Variants in PDE4D observed in about 807,000 individuals in gnomAD.
PDE4D encodes 3',5'-cyclic-AMP phosphodiesterase 4D.
A neutral mutation model predicts 87.4 loss-of-function variants in PDE4D; 24 were observed. The observed-to-expected ratio is 0.27, with a 90% CI of 0.20 to 0.39. The LOEUF (loss-of-function observed/expected upper bound fraction) is 0.39. PDE4D is among the 10% of genes least tolerant of loss of function. The pLI, the probability that PDE4D is intolerant of heterozygous loss-of-function variation, is 1.00. For missense variants in PDE4D, 714 were observed against 1,041.0 expected, an observed-to-expected ratio of 0.69 and a Z score of 4.32; for synonymous variants, 384 against 383.2, an observed-to-expected ratio of 1.00 and a Z score of -0.02.
chr5:58,981,286 G>A (rs576729246), intron 11 of PDE4D, among the ~76,000 whole-genome samples: 5 of 152,016 alleles, frequency 3.3e-5, no homozygotes, highest in African/African-American at 1.2e-4. Context: ...TCTCCATAAG[G>A]CCATAATTCT....
intron 1 of PDE4D, among the ~76,000 whole-genome samples, chr5:60,354,033 A>G (rs1390413659): frequency 6.6e-6 from 1 of 152,206 alleles, no homozygotes; most frequent in Non-Finnish European, 1.5e-5. Context: ...CTCTCCCAAG[A>G]ATCTTAATAA....
At chr5:59,096,862 T>G (rs974845176) in intron 5 of PDE4D, among the ~76,000 whole-genome samples, 2 of 152,194 alleles carry the variant, frequency 1.3e-5, no homozygotes, top group Admixed American at 6.5e-5. Flanking sequence ...GATAAAGCCA[T>G]TAATATACTA....
At chr5:59,617,290 T>C (rs1829822212) in intron 1 of PDE4D, among the ~76,000 whole-genome samples, 1 of 152,060 alleles carries the variant, frequency 6.6e-6, no homozygotes, top group South Asian at 2.1e-4. Flanking sequence ...ATTTACTAAC[T>C]TCTCTTCCAT....
At chr5:60,256,813 G>A (rs1319355429) in intron 1 of PDE4D, among the ~76,000 whole-genome samples, 1 of 151,934 alleles carries the variant, frequency 6.6e-6, no homozygotes, top group Non-Finnish European at 1.5e-5. Context: ...TTCTTGGGAA[G>A]AATGTATGTG....
chr5:59,307,996 T>G (rs1223193117), intron 1 of PDE4D, among the ~76,000 whole-genome samples: 2 of 152,010 alleles, frequency 1.3e-5, no homozygotes, highest in African/African-American at 2.4e-5. Flanking sequence ...ATTAAGAAAA[T>G]GTGGCACATA....
intron 1 of PDE4D, among the ~76,000 whole-genome samples, chr5:60,356,356 A>G (rs1464572155): frequency 2.6e-5 from 4 of 152,198 alleles, no homozygotes; most frequent in African/African-American, 4.8e-5. Flanking sequence ...CAAGTTGTCA[A>G]TGCTTTTCTC....
At chr5:59,643,768 A>T (rs1741996804) in intron 1 of PDE4D, among the ~76,000 whole-genome samples, 1 of 152,186 alleles carries the variant, frequency 6.6e-6, no homozygotes, top group Non-Finnish European at 1.5e-5. Flanking sequence ...TTTGCATCCA[A>T]ATGTAGTAAA....
chr5:59,768,795 G>A (rs931172834), intron 1 of PDE4D: 60 of 592,286 alleles, frequency 1.0e-4, no homozygotes, highest in Admixed American at 1.4e-4. Context: ...GCGCTCGCAC[G>A]GCTTTGTCCG....
At chr5:60,278,988 A>T (rs1359723381) in intron 1 of PDE4D, among the ~76,000 whole-genome samples, 1 of 152,194 alleles carries the variant, frequency 6.6e-6, no homozygotes, top group East Asian at 1.9e-4. Flanking sequence ...TTTTTAAATT[A>T]TGTTAAGAGA....
At chr5:59,070,660 T>C (rs1363355109) in intron 5 of PDE4D, among the ~76,000 whole-genome samples, 2 of 152,206 alleles carry the variant, frequency 1.3e-5, no homozygotes, top group Non-Finnish European at 1.5e-5. Context: ...TAACATACCC[T>C]GATTACCTTT....
At chr5:59,592,310 C>A (rs1414131577) in intron 1 of PDE4D, among the ~76,000 whole-genome samples, 1 of 152,156 alleles carries the variant, frequency 6.6e-6, no homozygotes, top group East Asian at 1.9e-4. Context: ...ACATTTATAA[C>A]TGAAATACGA....
intron 1 of PDE4D, among the ~76,000 whole-genome samples, chr5:60,281,514 G>A (rs975754462): frequency 2.0e-5 from 3 of 152,020 alleles, no homozygotes; most frequent in South Asian, 4.1e-4. Context: ...TACCAACTAC[G>A]ATGGCTGAAA....
intron 1 of PDE4D, among the ~76,000 whole-genome samples, chr5:60,244,334 T>C (rs2149666610): frequency 6.6e-6 from 1 of 152,132 alleles, no homozygotes; most frequent in East Asian, 1.9e-4. Flanking sequence ...CCCATGTTCA[T>C]GGACTGGAAG....
intron 1 of PDE4D, among the ~76,000 whole-genome samples, chr5:60,366,573 A>T (rs16877949): frequency 0.014 from 2,163 of 152,320 alleles, 49 homozygotes; most frequent in African/African-American, 0.049. Flanking sequence ...CATGATGTCA[A>T]TGAACCTTAG....
At chr5:59,142,637 G>A (rs1778051724) in intron 5 of PDE4D, among the ~76,000 whole-genome samples, 1 of 152,208 alleles carries the variant, frequency 6.6e-6, no homozygotes, top group African/African-American at 2.4e-5. Flanking sequence ...ATTCATAATG[G>A]TTATAAAGAA....
At chr5:59,522,165 A>G (rs1210300242) in intron 1 of PDE4D, among the ~76,000 whole-genome samples, 2 of 152,244 alleles carry the variant, frequency 1.3e-5, no homozygotes, top group African/African-American at 4.8e-5. Context: ...GAAAAAAACT[A>G]AAATTTGGAA....
rs553299274 is a variant in PDE4D at position 59,683,256 on chromosome 5, T to C, written c.455+209912A>G. Among the ~76,000 whole-genome samples the C allele has an allele frequency of 3.9e-5, 6 of 152,268 alleles. No individual in the cohort carries two copies. In the East Asian group the frequency reaches 1.2e-3, roughly 29 times the overall value. ...GATTAGATAGACAGAAAGGTAGATA[T>C]GAGAGACAGAGATTGAATAAAGTAA... On this transcript the variant is annotated intron_variant, in intron 1 of 14. Transcript: ENST00000340635.
Position 60,038,620 on chromosome 5 carries a change from A to C in PDE4D, c.43-49903T>G, listed in dbSNP as rs185257802. ...TCTTTTTTAGTTCCATATACACAGC[A>C]AAAGAAACTACCATCAGAGTGAACA... On this transcript the variant is annotated intron_variant, in intron 2 of 16. Transcript: ENST00000502484. Among the ~76,000 whole-genome samples the C allele has an allele frequency of 5.7e-3, 868 of 152,232 alleles. 11 individuals carry two copies. The highest frequency in any genetic ancestry group is 0.02 in the African/African-American group (834 of 41,522).
intron 1 of PDE4D, among the ~76,000 whole-genome samples, chr5:59,419,325 TTCTC>T (rs1282229940): frequency 1.2e-4 from 19 of 152,350 alleles, no homozygotes; most frequent in African/African-American, 4.6e-4. Context: ...CTAAGAATTT[TTCTC>T]TCTCAGTTTT....
Sources: allele counts gnomAD v4.1 joint callset (sites outside exome capture counted in the v4.1 genomes callset), GRCh38; gene constraint gnomAD v4.1.1; transcripts MANE v1.5; gene names NCBI Gene and HGNC (gene_info 2026-07-23, HGNC 2026-07-21).